ADGRG1: variants seen among roughly 807,000 people sequenced by gnomAD.
The protein encoded by ADGRG1 is adhesion G protein-coupled receptor G1.
Under a neutral mutation model 73.5 loss-of-function variants are expected in ADGRG1, and 53 were observed. The observed-to-expected ratio is 0.72, with a 90% CI of 0.58 to 0.91. ADGRG1 has a LOEUF of 0.91. ADGRG1 is among the 40% of genes least tolerant of loss of function. The pLI, the probability that ADGRG1 is intolerant of heterozygous loss-of-function variation, is 0.00. For synonymous variants in ADGRG1, 394 were observed against 374.4 expected, an observed-to-expected ratio of 1.05 and a Z score of -0.60; for missense variants, 795 against 871.8, an observed-to-expected ratio of 0.91 and a Z score of 1.11.
chr16:57,644,484 GCA>G lies in ADGRG1; in HGVS notation c.-35-5762_-35-5761del, dbSNP rs541619828. 3.0e-3 allele frequency among the ~76,000 whole-genome samples: 376 copies of G among 125,952 alleles called. 1 individual carries two copies. The highest frequency in any genetic ancestry group is 0.011 in the African/African-American group (365 of 32,684). 82.6% of individuals were successfully genotyped at this position (125,952 alleles called of 152,430 possible). ...CTCATGCACGGGCACACACACCCATGCACACACATATGCACACTCATGCATGG... is the reference window on the plus strand; with the variant it reads ...CTCATGCACGGGCACACACACCCATGCACACATATGCACACTCATGCATGG... On this transcript the variant is annotated intron_variant, in intron 1 of 13. Transcript: ENST00000562631.
chr16:57,624,194 T>C, upstream of ADGRG1: 1 of 983,262 alleles, frequency 1.0e-6, no homozygotes, highest in Non-Finnish European at 1.2e-6. Flanking sequence ...GAACTGCTCT[T>C]GTCTAAAAAA....
At chr16:57,627,993 T>C (rs2036189318), upstream of ADGRG1, 1 of 985,228 alleles carries the variant, frequency 1.0e-6, no homozygotes, top group Non-Finnish European at 1.2e-6. Context: ...CCCTGGGGTC[T>C]CAGAATCCAA....
intron 1 of ADGRG1, chr16:57,642,101 T>G: frequency 1.0e-6 from 1 of 985,420 alleles, no homozygotes; most frequent in African/African-American, 1.7e-5. Flanking sequence ...CTAAAACTCT[T>G]GCATCTTCAT....
chr16:57,647,026 G>A, intron 1 of ADGRG1: 1 of 954,746 alleles, frequency 1.0e-6, no homozygotes, highest in Non-Finnish European at 1.2e-6. Flanking sequence ...AGGTCCCAGG[G>A]GTCTGTGCGG....
rs773601181 is a variant in ADGRG1, at chr16:57,653,229, G to T, written c.514G>T (p.Ala172Ser). 6.2e-7 allele frequency: 1 copy of T among 1,611,588 alleles called. No individual in the cohort carries two copies. Among genetic ancestry groups the T allele is most frequent in the South Asian group, 1.1e-5 (1 of 91,076 alleles). Residue 172 changes from alanine (A) to serine (S), a missense_variant, in exon 4 of 14, where the codon GCC becomes TCC. Transcript: ENST00000562631. ...TCCTCCCCACACGGCCGCTCACAAT[G>T]CCTCGGTGGACATGTGCGAGCTCAA... The part of the protein sequence containing the change: ...HSPPHTAAHN[A>S]SVDMCELKRD...
At chr16:57,648,433 G>A (rs1485087616) in intron 1 of ADGRG1, 44 of 981,306 alleles carry the variant, frequency 4.5e-5, no homozygotes, top group Non-Finnish European at 5.3e-5. Context: ...AAGATGATGT[G>A]CCTATTTGAC....
At chr16:57,627,134 C>T, upstream of ADGRG1, 1 of 978,970 alleles carries the variant, frequency 1.0e-6, no homozygotes. Flanking sequence ...GCTTTGTGGC[C>T]CTTCCTTTCT....
intron 1 of ADGRG1, chr16:57,643,607 C>A: frequency 1.0e-6 from 1 of 984,816 alleles, no homozygotes; most frequent in Non-Finnish European, 1.2e-6. Flanking sequence ...GTGAGGCTCA[C>A]CCTGGGCAGT....
intron 3 of ADGRG1, chr16:57,652,976 G>T (rs1445200214): frequency 8.5e-6 from 12 of 1,407,960 alleles, no homozygotes; most frequent in African/African-American, 4.3e-5. Context: ...ACCCCATCCC[G>T]CTGGGGCTGG....
At position 57,654,184 on chromosome 16, in the gene ADGRG1, ATGG is replaced by A; in HGVS notation, c.768+52_768+54del. ...CAGATGCGGGTTGGGCCGGGGCCAG[ATGG>A]AGGTGGGGGCTGTGAGCACTCCCTG... On this transcript the variant is annotated intron_variant, in intron 5 of 13. Coordinates refer to ENST00000562631, the MANE Select transcript of ADGRG1 (RefSeq NM_201525.4). 3 of 1,577,416 alleles carry A rather than the reference ATGG, an allele frequency of 1.9e-6. No homozygotes were observed. The East Asian group carries it at 6.7e-5, about 35-fold the overall frequency.
intron 1 of ADGRG1, chr16:57,633,955 C>T (rs1414472573): frequency 2.6e-6 from 1 of 391,644 alleles, no homozygotes; most frequent in East Asian, 1.6e-4. Context: ...AGACCTGAGA[C>T]CTGACCCAGG....
chr16:57,663,425 C>T (rs908392462), intron 13 of ADGRG1, 27 bp from the exon 14 acceptor site: 1 of 1,613,186 alleles, frequency 6.2e-7, no homozygotes, highest in African/African-American at 1.3e-5. Context: ...CCCCCACCTG[C>T]TGACCCCGTG....
chr16:57,649,725 G>A (rs1265522704), intron 1 of ADGRG1, among the ~76,000 whole-genome samples: 3 of 152,018 alleles, frequency 2.0e-5, no homozygotes, highest in African/African-American at 7.2e-5. Flanking sequence ...GTCCTGCAGC[G>A]GGCAAAAGGT....
At chr16:57,641,081 C>G in intron 1 of ADGRG1, 1 of 981,958 alleles carries the variant, frequency 1.0e-6, no homozygotes, top group South Asian at 4.7e-5. Context: ...TCTGTTCTTA[C>G]CTGTAGGCAT....
rs547705581 is a variant in ADGRG1 at position 57,664,925 on chromosome 16, T to C, written c.*1343T>C. On this transcript the variant is annotated 3_prime_UTR_variant, in exon 14 of 14. Transcript: ENST00000562631. ...CTTTTTACGTACCAATTCTTTTGTC[T>C]TTTGATATTAAAAAGAAGTACATGT... 5 of 153,648 alleles carry C rather than the reference T, an allele frequency of 3.3e-5. No individual in the cohort carries two copies. Among genetic ancestry groups the C allele is most frequent in the African/African-American group, 1.2e-4 (5 of 41,584 alleles). 9.5% of individuals were successfully genotyped at this position (153,648 alleles called of 1,614,324 possible). A position where few individuals can be genotyped will look rare whatever the true frequency, so the allele number is the denominator to read the frequency against.
intron 1 of ADGRG1, chr16:57,645,235 T>TG (rs764287145): frequency 8.1e-5 from 80 of 985,234 alleles, no homozygotes; most frequent in Non-Finnish European, 9.0e-5. Context: ...GAAGTTGAGC[T>TG]GGGGGGGTCT....
chr16:57,645,038 T>A, intron 1 of ADGRG1: 2 of 977,108 alleles, frequency 2.0e-6, no homozygotes, highest in South Asian at 9.5e-5. Context: ...CACACACTCA[T>A]GCACATACAC....
chr16:57,628,536 G>C, upstream of ADGRG1: 1 of 985,508 alleles, frequency 1.0e-6, no homozygotes, highest in Non-Finnish European at 1.2e-6. Flanking sequence ...TATATCGTCC[G>C]TCATCCCCAG....
upstream of ADGRG1, chr16:57,628,100 C>T (rs1417346272): frequency 1.4e-5 from 14 of 983,764 alleles, no homozygotes; most frequent in South Asian, 4.7e-5. Flanking sequence ...GTCAGTCGTG[C>T]GTGGCCTGGC....
Sources: gnomAD v4.1 joint callset for allele counts (sites outside exome capture counted in the v4.1 genomes callset) on GRCh38, gnomAD v4.1.1 for gene constraint, MANE v1.5 for transcripts, NCBI Gene and HGNC (gene_info 2026-07-23, HGNC 2026-07-21) for gene names.